Variants in SLCO5A1 observed in about 807,000 individuals in gnomAD.
The protein encoded by SLCO5A1 is organic anion transporter polypeptide-related protein 4.
Under a neutral mutation model 65.1 loss-of-function variants are expected in SLCO5A1, and 39 were observed. The ratio of observed to expected loss-of-function variants is 0.60; its 90% confidence interval spans 0.46 to 0.78. SLCO5A1 has a LOEUF of 0.78. SLCO5A1 is among the 30% of genes least tolerant of loss of function. SLCO5A1 has a pLI of 0.00. For missense variants in SLCO5A1, 1,029 were observed against 1,069.4 expected (o/e 0.96, Z 0.53); for synonymous variants, 438 against 415.7 (o/e 1.05, Z -0.65).
intron 6 of SLCO5A1, among the ~76,000 whole-genome samples, chr8:69,702,069 T>C (rs1814762775): frequency 6.6e-6 from 1 of 152,246 alleles, no homozygotes; most frequent in Admixed American, 6.5e-5. Context: ...AATTTAAAAT[T>C]ATTGCCCCTG....
At chr8:69,811,219 G>A (rs1018588961) in intron 2 of SLCO5A1, among the ~76,000 whole-genome samples, 1 of 152,156 alleles carries the variant, frequency 6.6e-6, no homozygotes, top group Non-Finnish European at 1.5e-5. Context: ...GATAGAGAAA[G>A]CATAAAGATA....
intron 2 of SLCO5A1, among the ~76,000 whole-genome samples, chr8:69,784,811 A>AAAAGAAAGAAAGAAGG (rs1818943292): frequency 4.2e-5 from 3 of 70,930 alleles, no homozygotes; most frequent in African/African-American, 2.3e-4. Flanking sequence ...GAAAGAAAGA[A>AAAAGAAAGAAAGAAGG]AAAGAAAGAA....
chr8:69,689,962 T>A (rs1011286594), intron 6 of SLCO5A1, among the ~76,000 whole-genome samples: 6 of 152,228 alleles, frequency 3.9e-5, no homozygotes. Flanking sequence ...TGATTCTTCC[T>A]ACTCATGAGC....
rs1813393216 is a variant in SLCO5A1 at position 69,673,035 on chromosome 8, G to C, written c.2381C>G (p.Ser794Cys). 1 of 1,614,228 alleles carries C rather than the reference G, an allele frequency of 6.2e-7. No individual in the cohort carries two copies. The highest frequency in any genetic ancestry group is 8.5e-7 in the Non-Finnish European group (1 of 1,180,042). The change falls in exon 10 of 10, where the codon TCT becomes TGT. Residue 794 changes from serine (S) to cysteine (C), a missense_variant. Transcript: ENST00000260126. ...VGHPDNARTR[S>C]CPAFSTQGEF... ...TCCCTGGGTGCTGAAAGCTGGGCAA[G>C]ATCTAGTCCGGGCATTGTCGGGGTG... is the stretch of plus-strand genomic sequence containing the variant.
chr8:69,756,302 G>A (rs1586762967), intron 3 of SLCO5A1, among the ~76,000 whole-genome samples: 2 of 152,146 alleles, frequency 1.3e-5, no homozygotes, highest in Admixed American at 6.5e-5. Context: ...CTACTCGGGA[G>A]GCTGAGGCAG....
intron 6 of SLCO5A1, 180 bp downstream of exon 6, chr8:69,704,851 G>A (rs1382812569): frequency 3.8e-5 from 23 of 607,030 alleles, no homozygotes; most frequent in East Asian, 1.1e-4. Flanking sequence ...AGAGGAAGAC[G>A]AGACCCTGGC....
At chr8:69,734,736 A>G (rs902220867) in intron 5 of SLCO5A1, among the ~76,000 whole-genome samples, 1 of 152,206 alleles carries the variant, frequency 6.6e-6, no homozygotes, top group Non-Finnish European at 1.5e-5. Flanking sequence ...GTATCTAAAT[A>G]ATTTTTTTAA....
At chr8:69,709,137 T>C (rs16936346) in intron 5 of SLCO5A1, among the ~76,000 whole-genome samples, 11,700 of 152,222 alleles carry the variant, frequency 0.077, 449 homozygotes, top group East Asian at 0.086. Flanking sequence ...CAGCTCTTTC[T>C]AGAACTTTGC....
At chr8:69,820,649 T>G (rs561611990) in intron 2 of SLCO5A1, among the ~76,000 whole-genome samples, 24 of 151,924 alleles carry the variant, frequency 1.6e-4, no homozygotes, top group Non-Finnish European at 3.2e-4. Context: ...CTGGGCAACA[T>G]AATGAGACCA....
At position 69,682,338 on chromosome 8, in the gene SLCO5A1, G is replaced by A. The variant is rs553509059; in HGVS notation, c.1628C>T (p.Ser543Phe). 3.2e-5 allele frequency: 52 copies of A among 1,601,110 alleles called. 1 individual carries two copies. The Admixed American group carries it at 5.2e-4, about 16-fold the overall frequency. The stretch of plus-strand genomic sequence containing the variant: ...CAGATTCCTATGGGGCATGGTGAGA[G>A]AAGGTCTAAGAGAGAAGAGAAGCAG... ...GINIPYTTGP[S>F]LTMPHRNLTG... is the part of the protein sequence containing the mutation. Residue 543 changes from serine (S) to phenylalanine (F), a missense_variant, in exon 7 of 10, where the codon TCT becomes TTT. Around this residue, in one of 3 missense-constraint regions of SLCO5A1, gnomAD observed 124 missense variants for 184.5 expected, o/e 0.67. Coordinates refer to ENST00000260126, the MANE Select transcript of SLCO5A1 (RefSeq NM_030958.3).
intron 3 of SLCO5A1, among the ~76,000 whole-genome samples, chr8:69,757,689 A>T (rs1184480130): frequency 6.6e-6 from 1 of 152,102 alleles, no homozygotes; most frequent in Non-Finnish European, 1.5e-5. Flanking sequence ...CAAAAAAAAT[A>T]AAAATAACTA....
At chr8:69,736,395 G>C (rs1045794685) in intron 5 of SLCO5A1, among the ~76,000 whole-genome samples, 2 of 152,166 alleles carry the variant, frequency 1.3e-5, no homozygotes. Flanking sequence ...ATGCATTCAA[G>C]GTGCATTAAT....
chr8:69,825,721 T>C (rs1820856921), intron 2 of SLCO5A1, among the ~76,000 whole-genome samples: 1 of 152,040 alleles, frequency 6.6e-6, no homozygotes, highest in Non-Finnish European at 1.5e-5. Context: ...AATTTATAGA[T>C]TCAATGCCAT....
chr8:69,773,704 C>G (rs1818441396), intron 2 of SLCO5A1, among the ~76,000 whole-genome samples: 1 of 152,218 alleles, frequency 6.6e-6, no homozygotes, highest in African/African-American at 2.4e-5. Context: ...CTTTGGGGGT[C>G]ACCCCTATTG....
chr8:69,775,664 C>G (rs192420836), intron 2 of SLCO5A1, among the ~76,000 whole-genome samples: 5 of 152,118 alleles, frequency 3.3e-5, no homozygotes, highest in Middle Eastern at 3.4e-3. Context: ...ATGGATGGGA[C>G]TTATCAAAAC....
rs894202499 is a variant in SLCO5A1 at position 69,723,494 on chromosome 8, T to C, written c.1423+14546A>G. ...TCAAACTCCTGGGCTCAAGCCATAC[T>C]CCAGTCTCGGCCTCCCAAGGTGCTA... On this transcript the variant is annotated intron_variant, in intron 5 of 9. Transcript: ENST00000260126. Among the ~76,000 whole-genome samples, 6 of 152,014 alleles carry C rather than the reference T, an allele frequency of 3.9e-5. No homozygotes were observed. The South Asian group carries it at 1.0e-3, about 26-fold the overall frequency.
intron 2 of SLCO5A1, among the ~76,000 whole-genome samples, chr8:69,764,096 C>A (rs1259248425): frequency 6.6e-6 from 1 of 152,168 alleles, no homozygotes; most frequent in Non-Finnish European, 1.5e-5. Context: ...AACTCCTGAC[C>A]TCGTGATCCA....
chr8:69,761,631 C>A (rs1010916273), intron 3 of SLCO5A1, 112 bp downstream of exon 3: 2 of 1,171,316 alleles, frequency 1.7e-6, no homozygotes, highest in Non-Finnish European at 2.4e-6. Flanking sequence ...TTCCCAGGCA[C>A]CTTTCAGCTA....
chr8:69,769,335 G>A (rs1293611916), intron 2 of SLCO5A1, among the ~76,000 whole-genome samples: 2 of 152,058 alleles, frequency 1.3e-5, no homozygotes, highest in East Asian at 1.9e-4. Context: ...TTCAGACTTT[G>A]AGGGCAGGCA....
Sources: allele counts gnomAD v4.1 joint callset (sites outside exome capture counted in the v4.1 genomes callset), GRCh38; gene constraint gnomAD v4.1.1; regional missense constraint gnomAD v4.1.1; transcripts MANE v1.5; gene names NCBI Gene and HGNC (gene_info 2026-07-23, HGNC 2026-07-21).